NTRK3: variants seen among roughly 807,000 people sequenced by gnomAD.
The protein encoded by NTRK3 is neurotrophic receptor tyrosine kinase 3.
A neutral mutation model predicts 91.7 loss-of-function variants in NTRK3; 24 were observed. That is an observed-to-expected ratio of 0.26 (90% CI 0.19 to 0.37). NTRK3 has a LOEUF of 0.37. Ranked by LOEUF, NTRK3 falls within the 10% of genes least tolerant of loss-of-function variation. The probability of loss-of-function intolerance (pLI) is 1.00; values close to 1 mark genes in which losing one functional copy is unlikely to be tolerated. For synonymous variants in NTRK3, 483 were observed against 404.0 expected, an observed-to-expected ratio of 1.20 and a Z score of -2.34; for missense variants, 880 against 1,068.9, an observed-to-expected ratio of 0.82 and a Z score of 2.46.
At chr15:88,146,324 G>C (rs948491652) in intron 6 of NTRK3, among the ~76,000 whole-genome samples, 1 of 152,240 alleles carries the variant, frequency 6.6e-6, no homozygotes, top group Non-Finnish European at 1.5e-5. Flanking sequence ...AAAACAAGTT[G>C]AAAGGCCAAC....
At chr15:88,047,149 T>C (rs965906313) in intron 13 of NTRK3, among the ~76,000 whole-genome samples, 5 of 152,172 alleles carry the variant, frequency 3.3e-5, no homozygotes, top group Non-Finnish European at 7.3e-5. Flanking sequence ...GGAAATCCCA[T>C]GTGCACTCCC....
chr15:88,023,932 G>A (rs1035057020), intron 14 of NTRK3, among the ~76,000 whole-genome samples: 7 of 152,270 alleles, frequency 4.6e-5, no homozygotes, highest in South Asian at 2.1e-4. Flanking sequence ...CCCATTTTCC[G>A]TATTTCATCT....
At chr15:87,860,356 A>G (rs1477698404) in exon 19 of NTRK3, 2 of 217,744 alleles carry the variant, frequency 9.2e-6, no homozygotes, top group African/African-American at 4.5e-5. Flanking sequence ...TTTTCTTTTG[A>G]GGTTGGGGAG....
intron 5 of NTRK3, among the ~76,000 whole-genome samples, chr15:88,173,448 A>T (rs949657213): frequency 7.9e-5 from 12 of 152,104 alleles, no homozygotes; most frequent in African/African-American, 2.9e-4. Context: ...GAAATCTGCC[A>T]CTCCTGCATC....
Position 88,113,311 on chromosome 15 carries a change from C to CTTTTTTTTT in NTRK3, c.1396+12951_1396+12959dup, listed in dbSNP as rs60232101. 8.1e-5 allele frequency among the ~76,000 whole-genome samples: 9 copies of CTTTTTTTTT among 111,640 alleles called. 1 individual carries two copies. Among genetic ancestry groups the CTTTTTTTTT allele is most frequent in the East Asian group, 2.8e-4 (1 of 3,632 alleles). 73.2% of individuals were successfully genotyped at this position (111,640 alleles called of 152,430 possible). A position where few individuals can be genotyped will look rare whatever the true frequency, so the allele number is the denominator to read the frequency against. ...GACTCCCCCACCTGCTGATCAATTT[C>CTTTTTTTTT]TTTTTTTTTTTTTTTTTTTTTTGAG... On this transcript the variant is annotated intron_variant, in intron 13 of 18. Coordinates refer to ENST00000394480, the Ensembl canonical transcript of NTRK3.
At chr15:88,158,899 A>G (rs1286955985) in intron 5 of NTRK3, among the ~76,000 whole-genome samples, 1 of 152,288 alleles carries the variant, frequency 6.6e-6, no homozygotes, top group Admixed American at 6.5e-5. Context: ...TGACAAGAGA[A>G]AAAAAAAGAC....
chr15:88,232,620 C>G (rs2051309003), intron 3 of NTRK3, among the ~76,000 whole-genome samples: 1 of 152,144 alleles, frequency 6.6e-6, no homozygotes, highest in Non-Finnish European at 1.5e-5. Flanking sequence ...TGGAAAGGAA[C>G]CGGCTTCTGA....
At chr15:88,033,182 A>ATATATATG (rs2078731379) in intron 13 of NTRK3, 137 bp from the exon 14 acceptor site, 1 of 84,064 alleles carries the variant, frequency 1.2e-5, no homozygotes, top group African/African-American at 5.9e-5. Context: ...TGTGTTATAT[A>ATATATATG]TATATATATA....
intron 13 of NTRK3, among the ~76,000 whole-genome samples, chr15:88,037,556 C>T (rs1404745283): frequency 2.0e-5 from 3 of 151,990 alleles, no homozygotes; most frequent in Non-Finnish European, 4.4e-5. Flanking sequence ...AGCAAGACTC[C>T]CTCTCAAAAG....
At chr15:87,934,537 C>A (rs1314723788) in intron 15 of NTRK3, among the ~76,000 whole-genome samples, 3 of 152,124 alleles carry the variant, frequency 2.0e-5, no homozygotes, top group Non-Finnish European at 4.4e-5. Flanking sequence ...ATCTGTAGGG[C>A]TTCCTTGGTT....
At chr15:87,978,503 T>G (rs189224598) in intron 14 of NTRK3, 57 of 228,558 alleles carry the variant, frequency 2.5e-4, no homozygotes, top group African/African-American at 1.2e-3. Flanking sequence ...TGTCCCTGAT[T>G]CCCTTGGTCC....
At chr15:88,140,574 A>G (rs1597549029) in intron 6 of NTRK3, among the ~76,000 whole-genome samples, 1 of 152,236 alleles carries the variant, frequency 6.6e-6, no homozygotes, top group Non-Finnish European at 1.5e-5. Flanking sequence ...ATCTATCAGT[A>G]TCTACCAATT....
At chr15:88,119,143 T>G (rs2052427183) in intron 13 of NTRK3, among the ~76,000 whole-genome samples, 1 of 152,214 alleles carries the variant, frequency 6.6e-6, no homozygotes, top group Admixed American at 6.5e-5. Context: ...GGTGACCGTG[T>G]AGGGACTTCT....
chr15:88,208,414 A>G (rs1003449978), intron 3 of NTRK3, among the ~76,000 whole-genome samples: 6 of 152,156 alleles, frequency 3.9e-5, no homozygotes, highest in Non-Finnish European at 8.8e-5. Context: ...TGAGAAAGCA[A>G]TTTGACATTT....
chr15:88,065,388 C>T (rs1427026985), intron 13 of NTRK3, among the ~76,000 whole-genome samples: 2 of 152,132 alleles, frequency 1.3e-5, no homozygotes, highest in African/African-American at 4.8e-5. Context: ...AAGGTAGAAC[C>T]TTGAAAAGCC....
intron 5 of NTRK3, among the ~76,000 whole-genome samples, chr15:88,165,063 G>A (rs925087764): frequency 1.3e-5 from 2 of 152,194 alleles, no homozygotes; most frequent in Admixed American, 6.5e-5. Flanking sequence ...TCAAGGAGCT[G>A]AGGATTGAAT....
At chr15:88,065,943 A>C (rs1490569130) in intron 13 of NTRK3, among the ~76,000 whole-genome samples, 1 of 152,134 alleles carries the variant, frequency 6.6e-6, no homozygotes, top group Non-Finnish European at 1.5e-5. Context: ...GAGGAAGTTG[A>C]CTTTGCCAAA....
At chr15:88,138,892 T>C (rs1365479466) in intron 6 of NTRK3, among the ~76,000 whole-genome samples, 3 of 152,230 alleles carry the variant, frequency 2.0e-5, no homozygotes, top group South Asian at 2.1e-4. Flanking sequence ...GCCTGGCATA[T>C]AAATTCTTGT....
intron 6 of NTRK3, among the ~76,000 whole-genome samples, chr15:88,138,886 G>A (rs2042123703): frequency 6.6e-6 from 1 of 152,206 alleles, no homozygotes; most frequent in African/African-American, 2.4e-5. Flanking sequence ...AACTGAGCCT[G>A]GCATATAAAT....
Sources: gnomAD v4.1 joint callset for allele counts (sites outside exome capture counted in the v4.1 genomes callset) on GRCh38, gnomAD v4.1.1 for gene constraint, MANE v1.5 for transcripts, NCBI Gene and HGNC (gene_info 2026-07-23, HGNC 2026-07-21) for gene names.